Variants in SNRPB2 observed in about 807,000 individuals in gnomAD.
The protein encoded by SNRPB2 is U2 small nuclear ribonucleoprotein B''.
Under a neutral mutation model 26.3 loss-of-function variants are expected in SNRPB2, and 16 were observed. That is an observed-to-expected ratio of 0.61 (90% confidence interval 0.41 to 0.92). The LOEUF is 0.92. Among genes scored for constraint, SNRPB2 ranks in the 40% least tolerant of loss-of-function variants. The pLI, the probability that SNRPB2 is intolerant of heterozygous loss-of-function variation, is 0.00. For missense variants in SNRPB2, 179 were observed against 268.1 expected (o/e 0.67, Z 2.32); for synonymous variants, 75 against 89.0 (o/e 0.84, Z 0.88).
chr20:16,739,611 C>T (rs951065693), intron 5 of SNRPB2, among the ~76,000 whole-genome samples: 1 of 152,102 alleles, frequency 6.6e-6, no homozygotes, highest in East Asian at 1.9e-4. Context: ...TCACAAATGC[C>T]AGCACTTAAT....
chr20:16,732,160 A>G lies in SNRPB2; in HGVS notation c.65-4A>G. 3 of 1,547,844 alleles carry G rather than the reference A, an allele frequency of 1.9e-6. No homozygotes were observed. Among genetic ancestry groups the G allele is most frequent in the South Asian group, 2.4e-5 (2 of 81,870 alleles). ...ATAACTTGTTTCTTTTCTAATTTGG[A>G]CAGAATTGAAGAGATCCCTATATGC... On this transcript the variant is annotated splice_region_variant and splice_polypyrimidine_tract_variant and intron_variant, in intron 2 of 6. Coordinates refer to ENST00000246071, the MANE Select transcript of SNRPB2 (RefSeq NM_003092.5).
At chr20:16,740,062 A>G (rs2072453538) in intron 5 of SNRPB2, among the ~76,000 whole-genome samples, 1 of 151,944 alleles carries the variant, frequency 6.6e-6, no homozygotes, top group Non-Finnish European at 1.5e-5. Flanking sequence ...CAGGTGACAA[A>G]ATTCTCCAAT....
At position 16,737,321 on chromosome 20, in the gene SNRPB2, GACAA is replaced by G; in HGVS notation, c.300_303del (p.Asp100GlufsTer65). 6.2e-7 allele frequency: 1 copy of G among 1,606,220 alleles called. No individual in the cohort carries two copies. Among genetic ancestry groups the G allele is most frequent in the Non-Finnish European group, 8.5e-7 (1 of 1,177,420 alleles). On this transcript the variant is annotated frameshift_variant, in exon 4 of 7. Coordinates refer to ENST00000246071, the MANE Select transcript of SNRPB2 (RefSeq NM_003092.5). LOFTEE classifies it high-confidence loss of function. ...ATCAAAAATGCGTGGAACTTTTGCT[GACAA>G]AGAAAAGAAAAAAGAAAAGAAAAAA...
chr20:16,737,724 A>G lies in SNRPB2; in HGVS notation c.378+323A>G, dbSNP rs114535512. On this transcript the variant is annotated intron_variant, in intron 4 of 6. Coordinates refer to ENST00000246071, the MANE Select transcript of SNRPB2 (RefSeq NM_003092.5). ...AATAATACTGTAGTTATTATCTTTAATCATGAGTACTTCACTCAAAGTATC... is the reference window on the plus strand; with the variant it reads ...AATAATACTGTAGTTATTATCTTTAGTCATGAGTACTTCACTCAAAGTATC... Among the ~76,000 whole-genome samples, 664 of 152,274 alleles carry G rather than the reference A, an allele frequency of 4.4e-3. 6 individuals carry two copies. Among genetic ancestry groups the G allele is most frequent in the African/African-American group, 0.015 (604 of 41,538 alleles).
At chr20:16,733,190 C>T (rs2072404200) in intron 3 of SNRPB2, among the ~76,000 whole-genome samples, 1 of 152,172 alleles carries the variant, frequency 6.6e-6, no homozygotes, top group African/African-American at 2.4e-5. Context: ...GTTTTACCAC[C>T]TCCGGTAAAC....
chr20:16,742,345 A>C lies in SNRPB2; in HGVS notation c.*1340A>C, dbSNP rs1260640919. 1 of 152,134 alleles carries C rather than the reference A, an allele frequency of 6.6e-6. No individual in the cohort carries two copies. The highest frequency in any genetic ancestry group is 1.5e-5 in the Non-Finnish European group (1 of 68,024). The allele number at this position is 152,134 out of a possible 1,614,324, so 9.4% of individuals were successfully genotyped here. A position where few individuals can be genotyped will look rare whatever the true frequency, so the allele number is the denominator to read the frequency against. On this transcript the variant is annotated 3_prime_UTR_variant, in exon 7 of 7. Coordinates refer to ENST00000246071, the MANE Select transcript of SNRPB2 (RefSeq NM_003092.5). ...TGAAAATAATTCACAGACTGATCCC[A>C]TGCCCAGTCCTGGCCATGCTTTGAG...
At chr20:16,730,205 A>G (rs1000797936) in intron 1 of SNRPB2, 41 bp downstream of exon 1, 4 of 151,882 alleles carry the variant, frequency 2.6e-5, no homozygotes, top group African/African-American at 7.3e-5. Flanking sequence ...TCGGAGGGGC[A>G]GGCTTGGGGG....
intron 3 of SNRPB2, among the ~76,000 whole-genome samples, chr20:16,735,263 C>T (rs950528178): frequency 2.0e-5 from 3 of 150,022 alleles, no homozygotes; most frequent in Admixed American, 6.6e-5. Context: ...TCTTGTTATA[C>T]GAGGCAATAA....
At chr20:16,733,538 A>G (rs1036175894) in intron 3 of SNRPB2, among the ~76,000 whole-genome samples, 2 of 152,202 alleles carry the variant, frequency 1.3e-5, no homozygotes, top group African/African-American at 4.8e-5. Context: ...TCTAACAGCT[A>G]GTATTGTGAT....
At chr20:16,735,273 A>C (rs1454759633) in intron 3 of SNRPB2, among the ~76,000 whole-genome samples, 1 of 148,068 alleles carries the variant, frequency 6.8e-6, no homozygotes, top group East Asian at 1.9e-4. Flanking sequence ...CGAGGCAATA[A>C]AATTTTGCAT....
rs1170950913 is a variant in SNRPB2 at position 16,740,998 on chromosome 20, A to G, written c.671A>G (p.Lys224Arg). ...CATGCTATGAAGATCACCTATGCCA[A>G]GAAATAACATTTGGGATAGTCGTCT... Reference protein sequence around the residue: ...PSHAMKITYAKK With the variant: ...PSHAMKITYARK Residue 224 changes from lysine to arginine, a missense_variant, in exon 7 of 7, where the codon AAG (lysine) becomes AGG (arginine). Lys to Arg is a conservative substitution (Grantham distance 26). Transcript: ENST00000246071. The G allele has an allele frequency of 2.5e-6, 4 of 1,606,808 alleles. No individual in the cohort carries two copies. Among genetic ancestry groups the G allele is most frequent in the Non-Finnish European group, 3.4e-6 (4 of 1,174,998 alleles).
In SNRPB2 at chr20:16,740,937, A is replaced by G; in HGVS notation, c.610A>G (p.Arg204Gly). 1 of 1,611,026 alleles carries G rather than the reference A, an allele frequency of 6.2e-7. No individual in the cohort carries two copies. Among genetic ancestry groups the G allele is most frequent in the Non-Finnish European group, 8.5e-7 (1 of 1,177,194 alleles). Residue 204 changes from arginine to glycine, a missense_variant, in exon 7 of 7, where the codon AGG becomes GGG. Physicochemically the swap from Arg to Gly is moderately radical, Grantham distance 125. This residue lies in a region of SNRPB2 where 34 missense variants were observed against 87.4 expected (regional missense o/e 0.39). Coordinates refer to ENST00000246071, the MANE Select transcript of SNRPB2 (RefSeq NM_003092.5). ...AAATGATGGGCAGGCTGGAGCTGCC[A>G]GGGATGCTTTACAGGGATTTAAGAT... Reference protein sequence around the residue: ...FENDGQAGAARDALQGFKITP... With the variant: ...FENDGQAGAAGDALQGFKITP...
At position 16,737,325 on chromosome 20, in the gene SNRPB2, A is replaced by G; in HGVS notation, c.302A>G (p.Lys101Arg). The change falls in exon 4 of 7, where the codon AAA becomes AGA. Residue 101 changes from lysine (K) to arginine (R), a missense_variant. This residue lies in a region of SNRPB2 where 145 missense variants were observed against 180.7 expected (regional missense o/e 0.80). Transcript: ENST00000246071. The part of the protein sequence containing the change: ...ISKMRGTFAD[K>R]EKKKEKKKAK... ...AAAATGCGTGGAACTTTTGCTGACA[A>G]AGAAAAGAAAAAAGAAAAGAAAAAA... is the stretch of plus-strand genomic sequence containing the variant. The G allele has an allele frequency of 6.2e-7, 1 of 1,607,598 alleles. No homozygotes were observed. The highest frequency in any genetic ancestry group is 2.2e-5 in the East Asian group (1 of 44,766).
At position 16,741,055 on chromosome 20, in the gene SNRPB2, T is replaced by G. The variant is rs369190647; in HGVS notation, c.*50T>G. The G allele has an allele frequency of 2.5e-5, 35 of 1,394,440 alleles. 1 individual carries two copies. The African/African-American group carries it at 4.7e-4, about 19-fold the overall frequency. The allele number at this position is 1,394,440 out of a possible 1,614,324, so 86.4% of individuals were successfully genotyped here. On this transcript the variant is annotated 3_prime_UTR_variant, in exon 7 of 7. Transcript: ENST00000246071. ...GACTTGGTGTTATTTACAGTGTTTG[T>G]TTTGATAACATTTGGCTGGGTCATT... is the stretch of plus-strand genomic sequence containing the variant.
In SNRPB2 at chr20:16,732,309, A is replaced by G. The variant is rs141440350; in HGVS notation, c.210A>G (p.Gln70=). 1.7e-3 allele frequency: 2,672 copies of G among 1,586,728 alleles called. 6 individuals are homozygous for G. Among genetic ancestry groups the G allele is most frequent in the Non-Finnish European group, 2.0e-3 (2,337 of 1,169,402 alleles). ...CCACAAATGCCTTGAGACAGCTACA[A>G]GGATTTCCATTTTATGGTAAACCAA... is the stretch of plus-strand genomic sequence containing the variant. ...GSSTNALRQL[Q]GFPFYGKPMR... Residue 70 remains glutamine, a synonymous_variant, in exon 3 of 7, where the codon CAA becomes CAG. Coordinates refer to ENST00000246071, the MANE Select transcript of SNRPB2 (RefSeq NM_003092.5).
chr20:16,737,271 A>T lies in SNRPB2; in HGVS notation c.248A>T (p.Tyr83Phe). The change falls in exon 4 of 7, where the codon TAT (tyrosine) becomes TTT (phenylalanine). Residue 83 changes from tyrosine (Y) to phenylalanine (F), a missense_variant. By Grantham distance (22) the Tyr-to-Phe change is conservative. This residue lies in a region of SNRPB2 where 145 missense variants were observed against 180.7 expected (regional missense o/e 0.80). Transcript: ENST00000246071. ...PFYGKPMRIQ[Y>F]AKTDSDIISK... ...AAATAATTAAAACAGCGAATACAGT[A>T]TGCAAAAACAGATTCGGATATAATA... The T allele has an allele frequency of 1.3e-6, 2 of 1,593,348 alleles. No homozygotes were observed. Among genetic ancestry groups the T allele is most frequent in the Non-Finnish European group, 8.5e-7 (1 of 1,174,140 alleles).
chr20:16,737,129 C>A, intron 3 of SNRPB2, 132 bp from the exon 4 acceptor site: 1 of 641,470 alleles, frequency 1.6e-6, no homozygotes, highest in Non-Finnish European at 2.5e-6. Flanking sequence ...TCAGTATATT[C>A]TGACAGATTT....
chr20:16,732,105 A>T, intron 2 of SNRPB2, 59 bp from the exon 3 acceptor site: 1 of 1,032,032 alleles, frequency 9.7e-7, no homozygotes, highest in Non-Finnish European at 1.4e-6. Context: ...GTATCATTTT[A>T]TGAAGACTTT....
At chr20:16,733,595 T>A (rs972278159) in intron 3 of SNRPB2, among the ~76,000 whole-genome samples, 3 of 152,230 alleles carry the variant, frequency 2.0e-5, no homozygotes, top group Admixed American at 2.0e-4. Context: ...AAGGACCAGA[T>A]AGTAAATATG....
Sources: allele counts gnomAD v4.1 joint callset (sites outside exome capture counted in the v4.1 genomes callset), GRCh38; gene constraint gnomAD v4.1.1; regional missense constraint gnomAD v4.1.1; transcripts MANE v1.5; gene names NCBI Gene and HGNC (gene_info 2026-07-23, HGNC 2026-07-21).